Variants in VWA8 observed in about 807,000 individuals in gnomAD.
VWA8 encodes the protein von Willebrand factor A domain-containing protein 8.
A neutral mutation model predicts 241.5 loss-of-function variants in VWA8; 221 were observed. The ratio of observed to expected loss-of-function variants is 0.91; its 90% CI spans 0.82 to 1.02. The LOEUF (loss-of-function observed/expected upper bound fraction) is 1.02, where lower values mean the gene tolerates loss of function less well. VWA8 is among the 50% of genes least tolerant of loss of function. VWA8 has a pLI of 0.00. For missense variants in VWA8, 2,322 were observed against 2,328.7 expected, an observed-to-expected ratio of 1.00 and a Z score of 0.06; for synonymous variants, 852 against 827.1, an observed-to-expected ratio of 1.03 and a Z score of -0.52.
intron 9 of VWA8, 122 bp downstream of exon 9, chr13:41,883,265 A>G (rs936020303): frequency 4.3e-6 from 3 of 694,342 alleles, no homozygotes; most frequent in African/African-American, 3.6e-5. Flanking sequence ...AAGGGAAAGG[A>G]AAGAAATAAG....
chr13:41,736,250 C>T (rs996991853), intron 21 of VWA8, among the ~76,000 whole-genome samples: 2 of 152,202 alleles, frequency 1.3e-5, no homozygotes, highest in Admixed American at 6.5e-5. Context: ...TTACAGACTA[C>T]AGCATCTATC....
In VWA8 at chr13:41,570,541, G is replaced by T. The variant is rs764821064; in HGVS notation, c.5536C>A (p.Gln1846Lys). The T allele has an allele frequency of 6.2e-7, 1 of 1,614,158 alleles. No individual in the cohort carries two copies. Among genetic ancestry groups the T allele is most frequent in the Non-Finnish European group, 8.5e-7 (1 of 1,180,042 alleles). Reference sequence around the variant, plus strand: ...ACTTGAGGGTCTCTTGTGAGGATTTGAGCAAACTTAGCAGGATGTATTCCA... The same window carrying T: ...ACTTGAGGGTCTCTTGTGAGGATTTTAGCAAACTTAGCAGGATGTATTCCA... ...RYGIHPAKFA[Q>K]ILTRDPQVNA... The change falls in exon 44 of 45, where the codon CAA (glutamine) becomes AAA (lysine). Residue 1846 changes from glutamine to lysine, a missense_variant. Transcript: ENST00000379310.
In VWA8 at chr13:41,570,624, T is replaced by C; in HGVS notation, c.5453A>G (p.Lys1818Arg). 3.1e-6 allele frequency: 5 copies of C among 1,614,270 alleles called. No homozygotes were observed. The highest frequency in any genetic ancestry group is 4.2e-6 in the Non-Finnish European group (5 of 1,180,052). ...GACAAAGTACTCATCAGCTTCTTCT[T>C]TGACAATTTCCTTGATGGCATGTTC... Reference protein sequence around the residue: ...GTEHAIKEIVKEEADEYFVIV... With the variant: ...GTEHAIKEIVREEADEYFVIV... Residue 1818 changes from lysine (K) to arginine (R), a missense_variant, in exon 44 of 45, where the codon AAA becomes AGA. Lys to Arg is a conservative substitution (Grantham distance 26, BLOSUM62 2). Transcript: ENST00000379310.
At chr13:41,712,923 T>C (rs541158873) in intron 26 of VWA8, among the ~76,000 whole-genome samples, 2 of 152,344 alleles carry the variant, frequency 1.3e-5, no homozygotes, top group South Asian at 2.1e-4. Context: ...GTCAACTATT[T>C]TTATTTTTGC....
chr13:41,822,433 G>A (rs1017406536), intron 14 of VWA8, among the ~76,000 whole-genome samples: 8 of 152,158 alleles, frequency 5.3e-5, no homozygotes, highest in African/African-American at 1.4e-4. Flanking sequence ...CCTATGCAGT[G>A]TAGCAAACTG....
In VWA8 at chr13:41,607,654, G is replaced by A. The variant is rs1311533364; in HGVS notation, c.4878-2378C>T. Among the ~76,000 whole-genome samples the A allele has an allele frequency of 2.0e-5, 3 of 152,076 alleles. No homozygotes were observed. The East Asian group carries it at 5.8e-4, about 29-fold the overall frequency. On this transcript the variant is annotated intron_variant, in intron 39 of 44. Transcript: ENST00000379310. The stretch of plus-strand genomic sequence containing the variant: ...GCTGTCTGTGGGGTGGGGAGGGGAT[G>A]GAGGAGAGAATATATAGAAATATGT...
chr13:41,577,322 CA>C (rs1377027674), intron 42 of VWA8, among the ~76,000 whole-genome samples: 1 of 152,038 alleles, frequency 6.6e-6, no homozygotes, highest in African/African-American at 2.4e-5. Flanking sequence ...AAAAGGTTGA[CA>C]GTAAATGATT....
intron 9 of VWA8, among the ~76,000 whole-genome samples, chr13:41,874,165 G>A: frequency 2.0e-5 from 3 of 151,110 alleles, no homozygotes; most frequent in African/African-American, 4.9e-5. Flanking sequence ...CAATAAATTA[G>A]GTATTGATGG....
At chr13:41,775,108 C>T (rs1868531808) in intron 20 of VWA8, among the ~76,000 whole-genome samples, 1 of 152,072 alleles carries the variant, frequency 6.6e-6, no homozygotes, top group Admixed American at 6.5e-5. Context: ...CAGGGAGAAA[C>T]CAGACACCAG....
intron 37 of VWA8, among the ~76,000 whole-genome samples, chr13:41,670,476 AT>A: frequency 6.6e-6 from 1 of 152,194 alleles, no homozygotes; most frequent in East Asian, 1.9e-4. Context: ...AAGGAAGTTG[AT>A]AAAAAACGTT....
intron 34 of VWA8, among the ~76,000 whole-genome samples, chr13:41,686,877 C>T (rs1034679892): frequency 4.6e-5 from 7 of 152,168 alleles, no homozygotes; most frequent in Middle Eastern, 3.4e-3. Flanking sequence ...GCTCCTACAT[C>T]CCATTCCAGG....
chr13:41,612,160 C>T (rs1429804097), intron 38 of VWA8, among the ~76,000 whole-genome samples: 2 of 152,098 alleles, frequency 1.3e-5, no homozygotes, highest in African/African-American at 4.8e-5. Context: ...CAACTGTTTC[C>T]CTCCCTCACA....
Position 41,587,689 on chromosome 13 carries a change from GA to G in VWA8, c.5113-20del. Reference sequence around the variant, plus strand: ...TGCCAAGCTGAGGGAAGGAATAACAGAAAAGCCGTTTGTGAACTGGCAAACT... The same window carrying G: ...TGCCAAGCTGAGGGAAGGAATAACAGAAAGCCGTTTGTGAACTGGCAAACT... On this transcript the variant is annotated intron_variant, in intron 41 of 44. Transcript: ENST00000379310. The G allele has an allele frequency of 6.2e-7, 1 of 1,612,164 alleles. No individual in the cohort carries two copies. Among genetic ancestry groups the G allele is most frequent in the Non-Finnish European group, 8.5e-7 (1 of 1,178,586 alleles).
intron 9 of VWA8, among the ~76,000 whole-genome samples, chr13:41,870,913 T>C (rs1264484177): frequency 1.3e-5 from 2 of 152,130 alleles, no homozygotes; most frequent in African/African-American, 2.4e-5. Context: ...AAACCTCAAA[T>C]TGCAAGGTGA....
chr13:41,623,046 GC>G (rs1354219456), intron 37 of VWA8, among the ~76,000 whole-genome samples: 1 of 152,158 alleles, frequency 6.6e-6, no homozygotes. Context: ...TCTAGGGGAA[GC>G]CACGTGGTCT....
At chr13:41,621,735 C>T (rs1271595998) in intron 37 of VWA8, among the ~76,000 whole-genome samples, 1 of 152,068 alleles carries the variant, frequency 6.6e-6, no homozygotes, top group Non-Finnish European at 1.5e-5. Flanking sequence ...AAAGAAAAGG[C>T]CCCTCAAATA....
intron 42 of VWA8, among the ~76,000 whole-genome samples, chr13:41,584,707 CT>C (rs1193557012): frequency 6.6e-6 from 1 of 152,114 alleles, no homozygotes; most frequent in Non-Finnish European, 1.5e-5. Flanking sequence ...TTTATTTTAT[CT>C]TGGTGTCTTG....
intron 29 of VWA8, chr13:41,696,004 C>T (rs1430208488): frequency 1.3e-5 from 2 of 151,930 alleles, no homozygotes; most frequent in African/African-American, 4.8e-5. Flanking sequence ...AATAAATATT[C>T]CAAATGTAGT....
chr13:41,800,285 C>T (rs1314648651), intron 17 of VWA8, among the ~76,000 whole-genome samples: 1 of 152,042 alleles, frequency 6.6e-6, no homozygotes, highest in Non-Finnish European at 1.5e-5. Flanking sequence ...TGGATAGATT[C>T]CTAGGAGTGG....
Sources: gnomAD v4.1 joint callset for allele counts (sites outside exome capture counted in the v4.1 genomes callset) on GRCh38, gnomAD v4.1.1 for gene constraint, MANE v1.5 for transcripts, NCBI Gene and HGNC (gene_info 2026-07-23, HGNC 2026-07-21) for gene names.